CDH18: variants seen among roughly 807,000 people sequenced by gnomAD.
CDH18 encodes cadherin-18.
Under a neutral mutation model 67.9 loss-of-function variants are expected in CDH18, and 31 were observed. The observed-to-expected ratio is 0.46, with a 90% CI of 0.34 to 0.62. The LOEUF is 0.62. Ranked by LOEUF, CDH18 falls within the 20% of genes least tolerant of loss-of-function variation. CDH18 has a pLI of 0.01. For synonymous variants in CDH18, 362 were observed against 347.2 expected, an observed-to-expected ratio of 1.04 and a Z score of -0.48; for missense variants, 890 against 975.5, an observed-to-expected ratio of 0.91 and a Z score of 1.17.
At chr5:19,824,175 T>C (rs1780172524) in intron 3 of CDH18, among the ~76,000 whole-genome samples, 1 of 152,160 alleles carries the variant, frequency 6.6e-6, no homozygotes, top group South Asian at 2.1e-4. Context: ...CGTGGTCCAA[T>C]AATTGGATAG....
intron 2 of CDH18, among the ~76,000 whole-genome samples, chr5:20,167,321 A>C (rs1377115587): frequency 6.6e-6 from 1 of 152,094 alleles, no homozygotes; most frequent in Non-Finnish European, 1.5e-5. Flanking sequence ...CACAACCCCC[A>C]GGGTCTTCTT....
intron 4 of CDH18, among the ~76,000 whole-genome samples, chr5:19,734,211 G>A (rs1767999579): frequency 1.3e-5 from 2 of 152,070 alleles, no homozygotes; most frequent in African/African-American, 4.8e-5. Context: ...AAGAGAAATA[G>A]CACATTATCA....
intron 1 of CDH18, among the ~76,000 whole-genome samples, chr5:20,325,667 AAG>A (rs1738501089): frequency 6.6e-6 from 1 of 152,064 alleles, no homozygotes. Context: ...AGAAAAAAAA[AAG>A]AAATAAAAAC....
At chr5:20,034,119 T>G (rs76168438) in intron 2 of CDH18, among the ~76,000 whole-genome samples, 46 of 152,064 alleles carry the variant, frequency 3.0e-4, no homozygotes, top group Admixed American at 8.5e-4. Flanking sequence ...ATGGTGTGTG[T>G]GGGGGGAAAA....
At chr5:20,150,019 G>A (rs1750978198) in intron 2 of CDH18, among the ~76,000 whole-genome samples, 1 of 152,028 alleles carries the variant, frequency 6.6e-6, no homozygotes, top group African/African-American at 2.4e-5. Flanking sequence ...AATTAACTGG[G>A]AAGCTAGCTG....
At chr5:19,489,428 T>C (rs2126649769) in intron 11 of CDH18, among the ~76,000 whole-genome samples, 1 of 152,012 alleles carries the variant, frequency 6.6e-6, no homozygotes, top group East Asian at 1.9e-4. Flanking sequence ...TTTGTATTTT[T>C]AGTAGAGACA....
chr5:20,523,519 G>A (rs11744634), intron 1 of CDH18, among the ~76,000 whole-genome samples: 1 of 151,944 alleles, frequency 6.6e-6, no homozygotes, highest in Non-Finnish European at 1.5e-5. Context: ...GCTGGAATAT[G>A]ATAATGGAAA....
At chr5:19,892,400 G>T (rs1788867301) in intron 2 of CDH18, among the ~76,000 whole-genome samples, 1 of 152,108 alleles carries the variant, frequency 6.6e-6, no homozygotes, top group African/African-American at 2.4e-5. Context: ...TTGGAAACAA[G>T]AATTTGTGTA....
chr5:19,675,383 A>T (rs960261741), intron 5 of CDH18, among the ~76,000 whole-genome samples: 2 of 151,940 alleles, frequency 1.3e-5, no homozygotes, highest in African/African-American at 4.8e-5. Context: ...GCTACTGGAG[A>T]CCGGGGCTTA....
At chr5:19,703,014 A>T (rs1763467570) in intron 5 of CDH18, among the ~76,000 whole-genome samples, 1 of 149,836 alleles carries the variant, frequency 6.7e-6, no homozygotes, top group Admixed American at 6.8e-5. Flanking sequence ...TTATAGAAAC[A>T]ATGCTCATCA....
chr5:20,012,748 T>C (rs1289705997), intron 2 of CDH18, among the ~76,000 whole-genome samples: 1 of 152,092 alleles, frequency 6.6e-6, no homozygotes, highest in Non-Finnish European at 1.5e-5. Flanking sequence ...ATCATGTCCT[T>C]TGTAGGGACA....
chr5:20,400,452 T>C (rs1056637877), intron 1 of CDH18, among the ~76,000 whole-genome samples: 8 of 151,676 alleles, frequency 5.3e-5, no homozygotes, highest in African/African-American at 1.9e-4. Context: ...CACCCCAGGC[T>C]GGGCAACAGA....
intron 6 of CDH18, among the ~76,000 whole-genome samples, chr5:19,611,171 G>A (rs1748893827): frequency 6.6e-6 from 1 of 152,096 alleles, no homozygotes; most frequent in Non-Finnish European, 1.5e-5. Context: ...GGGGATCTAT[G>A]TACCTGCAGA....
chr5:20,265,355 A>C (rs1224936596), intron 1 of CDH18, among the ~76,000 whole-genome samples: 5 of 152,128 alleles, frequency 3.3e-5, no homozygotes, highest in Non-Finnish European at 7.4e-5. Flanking sequence ...TATGAATGCC[A>C]AGAGTGTTTT....
At chr5:19,479,194 G>A (rs549911555) in intron 12 of CDH18, among the ~76,000 whole-genome samples, 1 of 152,284 alleles carries the variant, frequency 6.6e-6, no homozygotes, top group African/African-American at 2.4e-5. Flanking sequence ...AGATCACACA[G>A]TTATTGGCAA....
intron 5 of CDH18, among the ~76,000 whole-genome samples, chr5:19,708,602 A>G (rs1220248139): frequency 6.6e-6 from 1 of 152,182 alleles, no homozygotes; most frequent in Non-Finnish European, 1.5e-5. Context: ...GAATCAGGAC[A>G]AGGAACACCT....
intron 5 of CDH18, among the ~76,000 whole-genome samples, chr5:19,682,932 G>T (rs572703918): frequency 6.6e-6 from 1 of 151,840 alleles, no homozygotes; most frequent in Admixed American, 6.6e-5. Flanking sequence ...TTACTACTAC[G>T]GGAGTTAATT....
chr5:19,655,486 T>C (rs540421201), intron 5 of CDH18, among the ~76,000 whole-genome samples: 64 of 152,098 alleles, frequency 4.2e-4, no homozygotes, highest in Non-Finnish European at 8.4e-4. Flanking sequence ...TATCTTAAGA[T>C]TGATTTTATT....
At chr5:19,811,154 GAAAGAAGGAGAGAAAGAA>G (rs1561351789) in intron 3 of CDH18, among the ~76,000 whole-genome samples, 8 of 21,314 alleles carry the variant, frequency 3.8e-4, no homozygotes, top group Non-Finnish European at 5.6e-4. Context: ...AAGAAAGAAA[GAAAGAAGGAGAGAAAGAA>G]AGAGAAGAAA....
Sources: gnomAD v4.1 joint callset for allele counts (sites outside exome capture counted in the v4.1 genomes callset) on GRCh38, gnomAD v4.1.1 for gene constraint, MANE v1.5 for transcripts, NCBI Gene and HGNC (gene_info 2026-07-23, HGNC 2026-07-21) for gene names.